ODAD1: variants seen among roughly 807,000 people sequenced by gnomAD.
ODAD1 encodes outer dynein arm-docking complex subunit 1.
A neutral mutation model predicts 67.2 loss-of-function variants in ODAD1; 49 were observed. The observed-to-expected ratio is 0.73, with a 90% CI of 0.58 to 0.92. The LOEUF (loss-of-function observed/expected upper bound fraction) is 0.92, where lower values mean the gene tolerates loss of function less well. ODAD1 is among the 40% of genes least tolerant of loss of function. The pLI is 0.00. For missense variants in ODAD1, 897 were observed against 953.7 expected (o/e 0.94, Z 0.78); for synonymous variants, 345 against 393.7 (o/e 0.88, Z 1.46).
chr19:48,302,609 T>G (rs1968495289), intron 12 of ODAD1, 85 bp downstream of exon 12: 3 of 1,165,736 alleles, frequency 2.6e-6, no homozygotes, highest in Non-Finnish European at 3.7e-6. Flanking sequence ...AGGTTGTCCA[T>G]GCAATGCCTC....
At chr19:48,302,628 G>A (rs1462597933) in intron 12 of ODAD1, 66 bp downstream of exon 12, 8 of 1,403,474 alleles carry the variant, frequency 5.7e-6, no homozygotes, top group Admixed American at 1.9e-5. Context: ...TCCAAGCCCC[G>A]CGGGCTGATG....
intron 3 of ODAD1, 117 bp downstream of exon 3, chr19:48,320,182 C>T (rs1197631406): frequency 7.9e-6 from 7 of 884,188 alleles, no homozygotes; most frequent in Non-Finnish European, 1.1e-5. Context: ...CATGTCTGTT[C>T]CCACCAGAGG....
intron 8 of ODAD1, 150 bp downstream of exon 8, chr19:48,306,106 T>C (rs1460433952): frequency 8.5e-7 from 1 of 1,176,046 alleles, no homozygotes; most frequent in African/African-American, 1.6e-5. Context: ...GGGGAACTGG[T>C]GGCGGGGAGA....
At chr19:48,319,453 T>C in intron 3 of ODAD1, 2 of 985,638 alleles carry the variant, frequency 2.0e-6, no homozygotes. Context: ...CTTGCCCGTA[T>C]GCTCCCCATC....
chr19:48,305,239 G>A (rs893559110), intron 8 of ODAD1, among the ~76,000 whole-genome samples: 1 of 152,144 alleles, frequency 6.6e-6, no homozygotes, highest in Non-Finnish European at 1.5e-5. Context: ...GAGGGAGAGA[G>A]AAGCCAACAC....
rs773803395 is a variant in ODAD1 at position 48,303,974 on chromosome 19, G to A, written c.832C>T (p.Leu278=). The A allele has an allele frequency of 6.2e-7, 1 of 1,614,196 alleles. No homozygotes were observed. The highest frequency in any genetic ancestry group is 8.5e-7 in the Non-Finnish European group (1 of 1,180,008). ...NNDRQPDPDV[L]EKREKQAGEV... ...TCACCCTGCTTTTCACGCTTCTCCAGGACATCGGGATCCGGCTGCCGGTCG... is the reference window on the plus strand; with the variant it reads ...TCACCCTGCTTTTCACGCTTCTCCAAGACATCGGGATCCGGCTGCCGGTCG... The change falls in exon 9 of 16, where the codon CTG becomes TTG. Residue 278 remains leucine, a synonymous_variant. Transcript: ENST00000674294.
rs1968523079 is a variant in ODAD1 at position 48,303,481 on chromosome 19, G to A, written c.988+169C>T. Reference sequence around the variant, plus strand: ...AGGGGGTGGGGAGGGGCAGAGACAGGGCCACGGTAAGACGCCAGTGGACGC... The same window carrying A: ...AGGGGGTGGGGAGGGGCAGAGACAGAGCCACGGTAAGACGCCAGTGGACGC... On this transcript the variant is annotated intron_variant, in intron 10 of 15. Transcript: ENST00000674294. The A allele has an allele frequency of 2.6e-5, 19 of 744,976 alleles. 1 individual carries two copies. In the South Asian group the frequency reaches 2.7e-4, roughly 11 times the overall value. 46.1% of individuals were successfully genotyped at this position (744,976 alleles called of 1,614,324 possible).
intron 7 of ODAD1, among the ~76,000 whole-genome samples, chr19:48,310,967 C>A (rs1968743787): frequency 6.6e-6 from 1 of 151,242 alleles, no homozygotes. Context: ...AATCCCAGCA[C>A]TTTGGGAGGC....
At position 48,318,824 on chromosome 19, in the gene ODAD1, G is replaced by A. The variant is rs7248865; in HGVS notation, c.71-12C>T. 4,718 of 1,515,342 alleles carry A rather than the reference G, an allele frequency of 3.1e-3. 120 individuals are homozygous for A. In the African/African-American group the frequency reaches 0.059, roughly 19 times the overall value. The allele number at this position is 1,515,342 out of a possible 1,614,324, so 93.9% of individuals were successfully genotyped here. A position where few individuals can be genotyped will look rare whatever the true frequency, so the allele number is the denominator to read the frequency against. On this transcript the variant is annotated splice_polypyrimidine_tract_variant and intron_variant, in intron 3 of 15. Coordinates refer to ENST00000674294, the MANE Select transcript of ODAD1 (RefSeq NM_001364171.2). ...CAGCTCCCAATCCACTGAGAACAGG[G>A]CCAGCCAAGGGACTCAGCAGGGATC... is the stretch of plus-strand genomic sequence containing the variant.
chr19:48,307,197 A>G (rs28704023), intron 7 of ODAD1, among the ~76,000 whole-genome samples: 5 of 152,136 alleles, frequency 3.3e-5, no homozygotes, highest in Admixed American at 6.5e-5. Context: ...AAGAAAAAAA[A>G]AAAGAAAGAA....
chr19:48,320,525 AGGGGTT>A, intron 2 of ODAD1, 134 bp from the exon 3 acceptor site: 1 of 311,718 alleles, frequency 3.2e-6, no homozygotes, highest in South Asian at 2.6e-5. Context: ...TTCCTCCAAG[AGGGGTT>A]GGAGGGGGAC....
chr19:48,321,274 G>A (rs1410021035), intron 1 of ODAD1, among the ~76,000 whole-genome samples: 4 of 152,214 alleles, frequency 2.6e-5, no homozygotes, highest in Non-Finnish European at 5.9e-5. Flanking sequence ...ACTGATGGGC[G>A]GCGAGGTCCT....
At chr19:48,311,833 C>A (rs1296088447) in intron 6 of ODAD1, among the ~76,000 whole-genome samples, 161 bp downstream of exon 6, 1 of 152,140 alleles carries the variant, frequency 6.6e-6, no homozygotes, top group African/African-American at 2.4e-5. Flanking sequence ...CCTCTAAGGA[C>A]CCATCATTCT....
At chr19:48,318,956 TG>T (rs1968972101) in intron 3 of ODAD1, 144 bp from the exon 4 acceptor site, 1 of 614,232 alleles carries the variant, frequency 1.6e-6, no homozygotes. Flanking sequence ...CCTCTAGGAA[TG>T]CACCTCAGTT....
chr19:48,306,817 C>T (rs1340795921), intron 7 of ODAD1, among the ~76,000 whole-genome samples: 2 of 152,058 alleles, frequency 1.3e-5, no homozygotes, highest in Admixed American at 6.6e-5. Context: ...GAGGACGAGG[C>T]GGGCAGATCA....
intron 5 of ODAD1, among the ~76,000 whole-genome samples, chr19:48,313,448 C>A (rs111870625): frequency 0.13 from 11,326 of 85,974 alleles, 1,086 homozygotes; most frequent in Non-Finnish European, 0.16. Flanking sequence ...AAAAAAAAAC[C>A]AAAAAAAAAC....
At chr19:48,303,221 C>T (rs1005244610) in intron 10 of ODAD1, 126 bp from the exon 11 acceptor site, 5 of 751,492 alleles carry the variant, frequency 6.7e-6, no homozygotes, top group Non-Finnish European at 1.2e-5. Context: ...ACACAGAAAC[C>T]AAGGCAGAGA....
At chr19:48,313,519 T>G (rs10404630) in intron 5 of ODAD1, among the ~76,000 whole-genome samples, 26,658 of 149,490 alleles carry the variant, frequency 0.18, 2,486 homozygotes, top group Middle Eastern at 0.23. Flanking sequence ...GGAGACAGAG[T>G]CTTCATAGAA....
intron 12 of ODAD1, 133 bp from the exon 13 acceptor site, chr19:48,298,473 C>T (rs1032701728): frequency 1.3e-5 from 11 of 855,372 alleles, no homozygotes; most frequent in Admixed American, 5.0e-5. Flanking sequence ...GGGAGTCACC[C>T]GAGCTCAGCC....
Sources: allele counts gnomAD v4.1 joint callset (sites outside exome capture counted in the v4.1 genomes callset), GRCh38; gene constraint gnomAD v4.1.1; transcripts MANE v1.5; gene names NCBI Gene and HGNC (gene_info 2026-07-23, HGNC 2026-07-21).